The following LGR5 variants were observed in gnomAD, a reference collection of about 807,000 sequenced individuals.
The protein encoded by LGR5 is leucine rich repeat containing G protein-coupled receptor 5, also known as leucine-rich repeat-containing G protein-coupled receptor 5.
LGR5 carries 54 observed loss-of-function variants against 76.7 expected under a neutral mutation model. The observed-to-expected ratio is 0.70, with a 90% CI of 0.57 to 0.88. The LOEUF is 0.88. Among genes scored for constraint, LGR5 ranks in the 40% least tolerant of loss-of-function variants. The probability of loss-of-function intolerance (pLI) is 0.00; values close to 1 mark genes in which losing one functional copy is unlikely to be tolerated. For missense variants in LGR5, 1,078 were observed against 1,073.3 expected (o/e 1.00, Z -0.06); for synonymous variants, 406 against 421.9 (o/e 0.96, Z 0.46).
At position 71,443,141 on chromosome 12, in the gene LGR5, G is replaced by C. The variant is rs559303008; in HGVS notation, c.212+2849G>C. On this transcript the variant is annotated intron_variant, in intron 1 of 17. Coordinates refer to ENST00000266674, the MANE Select transcript of LGR5 (RefSeq NM_003667.4). ...TTTCCTTTTCTTCAAACAGATTGAT[G>C]ATGGCAAGTTCCAGCTGTACACATT... Among the ~76,000 whole-genome samples the C allele has an allele frequency of 1.4e-4, 22 of 152,316 alleles. No individual in the cohort carries two copies. In the South Asian group the frequency reaches 3.7e-3, roughly 26 times the overall value.
At position 71,566,429 on chromosome 12, in the gene LGR5, T is replaced by C. The variant is rs1878344889; in HGVS notation, c.883T>C (p.Phe295Leu). 6.2e-7 allele frequency: 1 copy of C among 1,601,602 alleles called. No homozygotes were observed. Among genetic ancestry groups the C allele is most frequent in the Non-Finnish European group, 8.6e-7 (1 of 1,168,938 alleles). Reference protein sequence around the residue: ...TIHFYDNPIQFVGRSAFQHLP... With the variant: ...TIHFYDNPIQLVGRSAFQHLP... ...ACATTTCTATGACAATCCCATCCAG[T>C]TTGTTGGGAGATCTGCTTTTCAACA... The change falls in exon 9 of 18, where the codon TTT becomes CTT. Residue 295 changes from phenylalanine (F) to leucine (L), a missense_variant. By Grantham distance (22) the Phe-to-Leu change is conservative. Transcript: ENST00000266674.
intron 1 of LGR5, among the ~76,000 whole-genome samples, chr12:71,458,720 T>C (rs996418167): frequency 1.4e-5 from 2 of 141,000 alleles, no homozygotes; most frequent in Non-Finnish European, 3.0e-5. Flanking sequence ...TATCCGTTTA[T>C]TCACACAATT....
intron 4 of LGR5, among the ~76,000 whole-genome samples, chr12:71,537,823 C>A (rs1286573343): frequency 6.6e-6 from 1 of 152,180 alleles, no homozygotes; most frequent in Non-Finnish European, 1.5e-5. Flanking sequence ...GAGAGTAGGA[C>A]TCTGCCTCAT....
rs115766588 is a variant in LGR5 at position 71,543,920 on chromosome 12, C to T, written c.428+8734C>T. The stretch of plus-strand genomic sequence containing the variant: ...TGATACCTGGAAGACTAATAGTGCC[C>T]CTGATAGAAAAAGGGTCTTCGTTTT... On this transcript the variant is annotated intron_variant, in intron 4 of 17. Coordinates refer to ENST00000266674, the MANE Select transcript of LGR5 (RefSeq NM_003667.4). Among the ~76,000 whole-genome samples, 267 of 152,056 alleles carry T rather than the reference C, an allele frequency of 1.8e-3. 2 individuals are homozygous for T. The highest frequency in any genetic ancestry group is 6.1e-3 in the African/African-American group (254 of 41,472).
At position 71,462,335 on chromosome 12, in the gene LGR5, A is replaced by G. The variant is rs145603772; in HGVS notation, c.212+22043A>G. On this transcript the variant is annotated intron_variant, in intron 1 of 17. Coordinates refer to ENST00000266674, the MANE Select transcript of LGR5 (RefSeq NM_003667.4). The stretch of plus-strand genomic sequence containing the variant: ...GCTGTCATTTAATATCTCCTTATCT[A>G]GTGTCTTCATTAGCAGATTGAAATC... Among the ~76,000 whole-genome samples, 250 of 152,206 alleles carry G rather than the reference A, an allele frequency of 1.6e-3. 3 individuals are homozygous for G. The East Asian group carries it at 0.026, about 16-fold the overall frequency.
At chr12:71,528,138 T>C (rs1307871813) in intron 3 of LGR5, among the ~76,000 whole-genome samples, 3 of 152,194 alleles carry the variant, frequency 2.0e-5, no homozygotes, top group Non-Finnish European at 4.4e-5. Context: ...TATTTTAAGA[T>C]TTCTAGCCAC....
At chr12:71,452,601 A>C (rs1200306552) in intron 1 of LGR5, among the ~76,000 whole-genome samples, 1 of 152,232 alleles carries the variant, frequency 6.6e-6, no homozygotes, top group Non-Finnish European at 1.5e-5. Flanking sequence ...ATCCCAAGAC[A>C]GAAGGAAAAA....
At chr12:71,481,488 G>T (rs1231323451) in intron 1 of LGR5, among the ~76,000 whole-genome samples, 2 of 152,110 alleles carry the variant, frequency 1.3e-5, no homozygotes, top group African/African-American at 4.8e-5. Context: ...TCTTTATTCA[G>T]TCTATCATTG....
intron 4 of LGR5, among the ~76,000 whole-genome samples, chr12:71,552,372 C>A (rs1877529512): frequency 6.6e-6 from 1 of 152,102 alleles, no homozygotes; most frequent in Non-Finnish European, 1.5e-5. Flanking sequence ...CGAGACCAAC[C>A]TGGCCAACAT....
intron 1 of LGR5, among the ~76,000 whole-genome samples, chr12:71,455,168 C>T (rs1424782268): frequency 6.6e-6 from 1 of 152,162 alleles, no homozygotes; most frequent in African/African-American, 2.4e-5. Flanking sequence ...TGTATTTAAA[C>T]TCCCCAAGGC....
chr12:71,499,498 G>T (rs1340839336), intron 1 of LGR5, among the ~76,000 whole-genome samples: 1 of 152,090 alleles, frequency 6.6e-6, no homozygotes, highest in African/African-American at 2.4e-5. Flanking sequence ...GGAGGAAAGT[G>T]GCATGAGATC....
intron 4 of LGR5, among the ~76,000 whole-genome samples, chr12:71,546,174 G>A (rs966779020): frequency 2.0e-5 from 3 of 152,018 alleles, no homozygotes; most frequent in African/African-American, 7.2e-5. Context: ...AATTAGCTGG[G>A]TGTGGTGGCA....
At chr12:71,495,495 T>G (rs1238111349) in intron 1 of LGR5, among the ~76,000 whole-genome samples, 2 of 151,472 alleles carry the variant, frequency 1.3e-5, no homozygotes, top group Non-Finnish European at 2.9e-5. Context: ...TTAAGCTAGA[T>G]GAAAGCTACT....
chr12:71,521,052 T>C (rs1243308090), intron 2 of LGR5, among the ~76,000 whole-genome samples: 1 of 152,194 alleles, frequency 6.6e-6, no homozygotes, highest in Non-Finnish European at 1.5e-5. Flanking sequence ...TCTTCCCAAC[T>C]TACACTGACT....
intron 1 of LGR5, among the ~76,000 whole-genome samples, chr12:71,487,826 T>C (rs985199824): frequency 6.6e-6 from 1 of 152,120 alleles, no homozygotes; most frequent in Non-Finnish European, 1.5e-5. Flanking sequence ...ACAGAGGGAG[T>C]CTAGAATACT....
chr12:71,497,262 C>A lies in LGR5; in HGVS notation c.213-7352C>A, dbSNP rs140720807. Among the ~76,000 whole-genome samples the A allele has an allele frequency of 1.6e-3, 246 of 151,724 alleles. 3 individuals are homozygous for A. The East Asian group carries it at 0.025, about 15-fold the overall frequency. ...ACTTGGAGGTTGTGGCTGCAGTAAGCCATGATCATGCCAGTGCACTCCAGC... is the reference window on the plus strand; with the variant it reads ...ACTTGGAGGTTGTGGCTGCAGTAAGACATGATCATGCCAGTGCACTCCAGC... On this transcript the variant is annotated intron_variant, in intron 1 of 17. Coordinates refer to ENST00000266674, the MANE Select transcript of LGR5 (RefSeq NM_003667.4).
chr12:71,530,955 C>T (rs1015312312), intron 3 of LGR5, among the ~76,000 whole-genome samples: 1 of 151,010 alleles, frequency 6.6e-6, no homozygotes, highest in African/African-American at 2.4e-5. Flanking sequence ...TATTTAATCT[C>T]CCTCTCCTTC....
At chr12:71,566,557 G>A (rs1263425712) in intron 9 of LGR5, 75 bp from the exon 10 acceptor site, 1 of 1,516,362 alleles carries the variant, frequency 6.6e-7, no homozygotes, top group Non-Finnish European at 9.2e-7. Context: ...AGGTTGAAGT[G>A]CTTTGAAAAT....
intron 15 of LGR5, among the ~76,000 whole-genome samples, chr12:71,579,189 C>T (rs986572749): frequency 5.3e-5 from 8 of 152,070 alleles, no homozygotes; most frequent in Non-Finnish European, 1.5e-5. Flanking sequence ...ACAATTGATC[C>T]ATGGAATATA....
Sources: allele counts gnomAD v4.1 joint callset (sites outside exome capture counted in the v4.1 genomes callset), GRCh38; gene constraint gnomAD v4.1.1; transcripts MANE v1.5; gene names NCBI Gene and HGNC (gene_info 2026-07-23, HGNC 2026-07-21).